The following RBFOX1 variants were observed in gnomAD, a reference collection of about 807,000 sequenced individuals.
The protein encoded by RBFOX1 is RNA binding fox-1 homolog 1, also known as RNA binding protein fox-1 homolog 1.
Under a neutral mutation model 57.7 loss-of-function variants are expected in RBFOX1, and 8 were observed. The observed-to-expected ratio is 0.14, with a 90% CI of 0.08 to 0.25. The LOEUF is 0.25. Ranked by LOEUF, RBFOX1 falls within the 10% of genes least tolerant of loss-of-function variation. The probability of loss-of-function intolerance (pLI) is 1.00; values close to 1 mark genes in which losing one functional copy is unlikely to be tolerated. For synonymous variants in RBFOX1, 326 were observed against 222.4 expected, an observed-to-expected ratio of 1.47 and a Z score of -4.15; for missense variants, 611 against 548.5, an observed-to-expected ratio of 1.11 and a Z score of -1.14.
chr16:7,219,577 A>T (rs528399115), intron 4 of RBFOX1, among the ~76,000 whole-genome samples: 3 of 152,340 alleles, frequency 2.0e-5, no homozygotes, highest in African/African-American at 7.2e-5. Context: ...CCCAGAAAAT[A>T]TGAGGCATAG....
chr16:5,933,937 C>T (rs973430856), intron 4 of RBFOX1, among the ~76,000 whole-genome samples: 4 of 152,086 alleles, frequency 2.6e-5, no homozygotes, highest in Non-Finnish European at 1.5e-5. Flanking sequence ...CTGTTCCTCT[C>T]CCTCCTCCCA....
At chr16:7,185,347 A>G (rs2083502269) in intron 4 of RBFOX1, among the ~76,000 whole-genome samples, 1 of 152,300 alleles carries the variant, frequency 6.6e-6, no homozygotes, top group East Asian at 1.9e-4. Context: ...TAATCACAGA[A>G]TCTCAGCCAT....
At chr16:6,656,625 C>CACAT (rs1555659227) in intron 3 of RBFOX1, among the ~76,000 whole-genome samples, 2,273 of 151,870 alleles carry the variant, frequency 0.015, 89 homozygotes, top group Admixed American at 0.075. Flanking sequence ...CACACACACA[C>CACAT]ACACACTTCT....
At chr16:6,250,986 A>T (rs2097605921) in intron 1 of RBFOX1, among the ~76,000 whole-genome samples, 1 of 152,046 alleles carries the variant, frequency 6.6e-6, no homozygotes, top group Non-Finnish European at 1.5e-5. Flanking sequence ...ATGGCGTTTG[A>T]GATGGGGTGG....
At chr16:7,337,307 T>TA (rs1156573849) in intron 4 of RBFOX1, among the ~76,000 whole-genome samples, 2 of 152,118 alleles carry the variant, frequency 1.3e-5, no homozygotes, top group African/African-American at 4.8e-5. Flanking sequence ...CAGTGCCTCT[T>TA]AGAGTCGGGA....
chr16:5,826,234 A>G (rs1004705535), intron 3 of RBFOX1, among the ~76,000 whole-genome samples: 2 of 151,432 alleles, frequency 1.3e-5, no homozygotes, highest in Non-Finnish European at 2.9e-5. Context: ...ACTCATTTAC[A>G]AACACTCTTC....
intron 1 of RBFOX1, among the ~76,000 whole-genome samples, chr16:6,291,479 G>A (rs922949996): frequency 2.0e-5 from 3 of 152,062 alleles, no homozygotes; most frequent in Non-Finnish European, 4.4e-5. Context: ...TAAATCTTGG[G>A]ACCTCAAACT....
chr16:5,715,244 G>A (rs1020762103), intron 3 of RBFOX1, among the ~76,000 whole-genome samples: 10 of 152,030 alleles, frequency 6.6e-5, no homozygotes, highest in South Asian at 4.2e-4. Context: ...GCCTTATTTC[G>A]AAATCTAATT....
At chr16:7,667,713 CTG>C (rs1032279995) in intron 13 of RBFOX1, among the ~76,000 whole-genome samples, 3 of 152,150 alleles carry the variant, frequency 2.0e-5, no homozygotes, top group African/African-American at 7.2e-5. Flanking sequence ...GACAGACTCA[CTG>C]TGTCGCCCAG....
intron 4 of RBFOX1, among the ~76,000 whole-genome samples, chr16:7,316,371 T>C (rs2096439279): frequency 6.6e-6 from 1 of 152,218 alleles, no homozygotes; most frequent in South Asian, 2.1e-4. Context: ...ACAGAAGGCA[T>C]AGCTGGTCAT....
rs143545805 is a variant in RBFOX1 at position 5,330,042 on chromosome 16, C to T, written c.219+89937C>T. Among the ~76,000 whole-genome samples the T allele has an allele frequency of 4.7e-3, 713 of 151,658 alleles. 17 individuals are homozygous for T. Among genetic ancestry groups the T allele is most frequent in the Admixed American group, 0.041 (632 of 15,268 alleles). The stretch of plus-strand genomic sequence containing the variant: ...TCTGATGAGTGCCTTCTTGCCGTGT[C>T]CTCACATGGTACAAGGGACCCGTGA... On this transcript the variant is annotated intron_variant, in intron 1 of 2. Transcript: ENST00000585867.
chr16:6,477,986 C>G (rs991638202), intron 2 of RBFOX1, among the ~76,000 whole-genome samples: 2 of 152,062 alleles, frequency 1.3e-5, no homozygotes, highest in Non-Finnish European at 2.9e-5. Context: ...CTCTCTCTGC[C>G]TCCATAGAAT....
chr16:7,104,690 T>C (rs2063272892), intron 4 of RBFOX1, among the ~76,000 whole-genome samples: 1 of 152,156 alleles, frequency 6.6e-6, no homozygotes, highest in Non-Finnish European at 1.5e-5. Context: ...TACATATTCA[T>C]GGTCAGTGGA....
At chr16:6,400,962 T>C (rs2093045483) in intron 2 of RBFOX1, among the ~76,000 whole-genome samples, 1 of 152,240 alleles carries the variant, frequency 6.6e-6, no homozygotes, top group Non-Finnish European at 1.5e-5. Flanking sequence ...AGTATCAATT[T>C]AGTTTTTTTA....
intron 2 of RBFOX1, among the ~76,000 whole-genome samples, chr16:6,535,710 C>T (rs567608623): frequency 3.3e-5 from 5 of 152,294 alleles, no homozygotes; most frequent in African/African-American, 1.2e-4. Flanking sequence ...TAAGCCACAG[C>T]CCTTCGAGCA....
intron 4 of RBFOX1, among the ~76,000 whole-genome samples, chr16:7,443,911 C>T (rs527315103): frequency 6.6e-6 from 1 of 152,336 alleles, no homozygotes; most frequent in African/African-American, 2.4e-5. Context: ...ACTACTGATT[C>T]TGTATTCCTT....
At chr16:6,148,915 G>A (rs562316585) in intron 1 of RBFOX1, among the ~76,000 whole-genome samples, 3 of 152,048 alleles carry the variant, frequency 2.0e-5, no homozygotes, top group Non-Finnish European at 4.4e-5. Flanking sequence ...AATGATTCAT[G>A]TGCCTTGAAA....
intron 3 of RBFOX1, among the ~76,000 whole-genome samples, chr16:6,922,704 C>T (rs565752039): frequency 1.3e-5 from 2 of 152,230 alleles, no homozygotes; most frequent in Admixed American, 1.3e-4. Flanking sequence ...ACTGCATCCA[C>T]CACTCCAAAA....
chr16:7,020,060 C>T (rs542628508), intron 3 of RBFOX1, among the ~76,000 whole-genome samples: 9 of 151,730 alleles, frequency 5.9e-5, no homozygotes, highest in South Asian at 2.1e-4. Flanking sequence ...TTAGGTGAAC[C>T]TTTCATGTCT....
Sources: gnomAD v4.1 joint callset for allele counts (sites outside exome capture counted in the v4.1 genomes callset) on GRCh38, gnomAD v4.1.1 for gene constraint, MANE v1.5 for transcripts, NCBI Gene and HGNC (gene_info 2026-07-23, HGNC 2026-07-21) for gene names.